ZCCHC17: variants seen among roughly 807,000 people sequenced by gnomAD.
The protein encoded by ZCCHC17 is zinc finger CCHC domain-containing protein 17.
In ZCCHC17, 18 loss-of-function variants were observed where a neutral mutation model predicts 30.6. That is an observed-to-expected ratio of 0.59 (90% CI 0.41 to 0.87). The LOEUF (loss-of-function observed/expected upper bound fraction) is 0.87, where lower values mean the gene tolerates loss of function less well. ZCCHC17 is among the 40% of genes least tolerant of loss of function. The probability of loss-of-function intolerance (pLI) is 0.00; values close to 1 mark genes in which losing one functional copy is unlikely to be tolerated. For missense variants in ZCCHC17, 263 were observed against 284.2 expected (o/e 0.93, Z 0.54); for synonymous variants, 88 against 92.4 (o/e 0.95, Z 0.27).
chr1:31,302,433 A>T (rs1646339682), intron 1 of ZCCHC17, among the ~76,000 whole-genome samples: 1 of 152,170 alleles, frequency 6.6e-6, no homozygotes, highest in Non-Finnish European at 1.5e-5. Flanking sequence ...ACACAAAATC[A>T]AATGAGAAAT....
chr1:31,355,298 T>G (rs1639605832), intron 7 of ZCCHC17, among the ~76,000 whole-genome samples: 1 of 152,192 alleles, frequency 6.6e-6, no homozygotes, highest in Non-Finnish European at 1.5e-5. Flanking sequence ...TGATGCCCAC[T>G]ATTTCTACCA....
chr1:31,327,836 G>C (rs1182096721), intron 3 of ZCCHC17, among the ~76,000 whole-genome samples: 1 of 152,152 alleles, frequency 6.6e-6, no homozygotes, highest in Admixed American at 6.5e-5. Context: ...GACCCCTAGA[G>C]GGGGGACTGA....
At chr1:31,311,247 G>T (rs2148416046) in intron 2 of ZCCHC17, among the ~76,000 whole-genome samples, 1 of 152,154 alleles carries the variant, frequency 6.6e-6, no homozygotes, top group Admixed American at 6.5e-5. Context: ...TTTAAAGTAG[G>T]TTGGACATGT....
rs1639995390 is a variant in ZCCHC17 at position 31,363,308 on chromosome 1, C to T, written c.565-724C>T. Among the ~76,000 whole-genome samples the T allele has an allele frequency of 2.6e-5, 4 of 151,998 alleles. No homozygotes were observed. In the South Asian group the frequency reaches 8.3e-4, roughly 31 times the overall value. ...ACACCATTCTCCTGTCTCAGCCTCCCGAGTAGCTGGGACTACAAGCACCTG... is the reference window on the plus strand; with the variant it reads ...ACACCATTCTCCTGTCTCAGCCTCCTGAGTAGCTGGGACTACAAGCACCTG... On this transcript the variant is annotated intron_variant, in intron 7 of 7. Coordinates refer to ENST00000344147, the MANE Select transcript of ZCCHC17 (RefSeq NM_016505.4).
Position 31,310,109 on chromosome 1 carries a change from G to T in ZCCHC17, c.11G>T (p.Gly4Val), listed in dbSNP as rs775807974. MNS[G>V]RPETMENLPA... is the part of the protein sequence containing the mutation. ...CATAGAATATTAAGGATGAATTCAG[G>T]AAGGCCTGAGACCATGGAAAACTTG... Residue 4 changes from glycine (G) to valine (V), a missense_variant, in exon 2 of 8, where the codon GGA (glycine) becomes GTA (valine). Physicochemically the swap from Gly to Val is moderately radical, Grantham distance 109 (BLOSUM62 -3). Transcript: ENST00000344147. 6.2e-7 allele frequency: 1 copy of T among 1,613,882 alleles called. No individual in the cohort carries two copies. Among genetic ancestry groups the T allele is most frequent in the Non-Finnish European group, 8.5e-7 (1 of 1,179,950 alleles).
At chr1:31,334,357 G>C (rs866795157) in intron 3 of ZCCHC17, among the ~76,000 whole-genome samples, 7,272 of 139,114 alleles carry the variant, frequency 0.052, 655 homozygotes, top group African/African-American at 0.19. Flanking sequence ...GTGTGTGTGT[G>C]TGTGTGTGTG....
chr1:31,318,669 A>G (rs552583250), intron 2 of ZCCHC17, among the ~76,000 whole-genome samples: 22 of 152,340 alleles, frequency 1.4e-4, no homozygotes, highest in African/African-American at 5.3e-4. Context: ...TGTGTGATCC[A>G]TCCCAAATTT....
chr1:31,352,149 A>G (rs143728897), intron 7 of ZCCHC17, among the ~76,000 whole-genome samples: 5 of 152,270 alleles, frequency 3.3e-5, no homozygotes, highest in African/African-American at 9.6e-5. Context: ...GCCTTTTTGT[A>G]TAGTGTTTTT....
intron 7 of ZCCHC17, among the ~76,000 whole-genome samples, chr1:31,360,658 C>T (rs909826582): frequency 2.6e-5 from 4 of 152,200 alleles, no homozygotes; most frequent in Non-Finnish European, 4.4e-5. Flanking sequence ...GTCCATGTTC[C>T]AGCATGCCAG....
chr1:31,343,373 A>T (rs1411061252), intron 5 of ZCCHC17, among the ~76,000 whole-genome samples: 2 of 152,120 alleles, frequency 1.3e-5, no homozygotes, highest in Non-Finnish European at 2.9e-5. Context: ...GAATTTTTTT[A>T]AAAAAGCCTT....
At chr1:31,352,096 G>A (rs1260764473) in intron 7 of ZCCHC17, among the ~76,000 whole-genome samples, 1 of 152,162 alleles carries the variant, frequency 6.6e-6, no homozygotes, top group Non-Finnish European at 1.5e-5. Flanking sequence ...CCCTGTCTCA[G>A]TGATTGGAAC....
chr1:31,355,528 C>T (rs368856898), intron 7 of ZCCHC17, among the ~76,000 whole-genome samples: 9 of 152,044 alleles, frequency 5.9e-5, no homozygotes, highest in Non-Finnish European at 7.4e-5. Flanking sequence ...CGTAACTCAC[C>T]GGAAGTCACA....
chr1:31,360,257 C>A (rs1318478512), intron 7 of ZCCHC17, among the ~76,000 whole-genome samples: 6 of 149,770 alleles, frequency 4.0e-5, no homozygotes, highest in South Asian at 4.2e-4. Context: ...AAAACCTCCG[C>A]CTCCCACGCT....
intron 3 of ZCCHC17, among the ~76,000 whole-genome samples, chr1:31,331,137 ATAT>A (rs1395516860): frequency 1.3e-5 from 2 of 152,092 alleles, no homozygotes; most frequent in East Asian, 3.9e-4. Flanking sequence ...TTGTATCATA[ATAT>A]TCTTTTTTTT....
chr1:31,313,838 C>T (rs962301435), intron 2 of ZCCHC17, among the ~76,000 whole-genome samples: 2 of 151,804 alleles, frequency 1.3e-5, no homozygotes, highest in Admixed American at 1.3e-4. Flanking sequence ...CTACAGCTCG[C>T]TCTTTTCTTT....
chr1:31,357,303 AC>A (rs146372631), intron 7 of ZCCHC17, among the ~76,000 whole-genome samples: 4,260 of 152,276 alleles, frequency 0.028, 212 homozygotes, highest in African/African-American at 0.098. Flanking sequence ...CTATTCAGAT[AC>A]AGCAGAGAGC....
At chr1:31,357,912 C>G (rs907782788) in intron 7 of ZCCHC17, among the ~76,000 whole-genome samples, 1 of 152,146 alleles carries the variant, frequency 6.6e-6, no homozygotes, top group African/African-American at 2.4e-5. Context: ...TGCACCACCA[C>G]GCCCAGCTGA....
chr1:31,339,034 C>A lies in ZCCHC17; in HGVS notation c.303C>A (p.Asn101Lys). ...GGACTGGGAAAGACCTTGATCCCAA[C>A]AATGTTATCATTGAGTAAGTAAAAG... ...NQGTGKDLDP[N>K]NVIIEQEERR... Residue 101 changes from asparagine to lysine, a missense_variant, in exon 5 of 8, where the codon AAC becomes AAA. Transcript: ENST00000344147. The A allele has an allele frequency of 6.2e-7, 1 of 1,609,264 alleles. No homozygotes were observed. Among genetic ancestry groups the A allele is most frequent in the Non-Finnish European group, 8.5e-7 (1 of 1,178,314 alleles).
At chr1:31,324,517 A>AC (rs1332776903) in intron 3 of ZCCHC17, among the ~76,000 whole-genome samples, 2 of 151,770 alleles carry the variant, frequency 1.3e-5, no homozygotes, top group East Asian at 3.9e-4. Context: ...GTCCGGGAAG[A>AC]CCCCTTTCCC....
Sources: allele counts gnomAD v4.1 joint callset (sites outside exome capture counted in the v4.1 genomes callset), GRCh38; gene constraint gnomAD v4.1.1; transcripts MANE v1.5; gene names NCBI Gene and HGNC (gene_info 2026-07-23, HGNC 2026-07-21).